TULP4: variants seen among roughly 807,000 people sequenced by gnomAD.
The protein encoded by TULP4 is TUB like protein 4.
TULP4 carries 16 observed loss-of-function variants against 129.0 expected under a neutral mutation model. That is an observed-to-expected ratio of 0.12 (90% CI 0.08 to 0.19). The LOEUF (loss-of-function observed/expected upper bound fraction) is 0.19, where lower values mean the gene tolerates loss of function less well. TULP4 is among the 10% of genes least tolerant of loss of function. TULP4 has a pLI of 1.00. For missense variants in TULP4, 1,842 were observed against 2,059.1 expected, an observed-to-expected ratio of 0.89 and a Z score of 2.04; for synonymous variants, 998 against 854.0, an observed-to-expected ratio of 1.17 and a Z score of -2.94.
At chr6:158,427,193 T>A (rs934959007) in intron 2 of TULP4, among the ~76,000 whole-genome samples, 8 of 152,210 alleles carry the variant, frequency 5.3e-5, no homozygotes, top group African/African-American at 1.9e-4. Flanking sequence ...ACACTCAACA[T>A]CTTTATACTG....
rs147713203 is a variant in TULP4 at position 158,376,246 on chromosome 6, G to A, written c.253-36819G>A. 3.3e-5 allele frequency among the ~76,000 whole-genome samples: 5 copies of A among 152,308 alleles called. No homozygotes were observed. The East Asian group carries it at 9.6e-4, about 29-fold the overall frequency. ...TGGGTTCTGGATCAGGAACTTGGGAGCATCCTACTGGGCACTTCTGGCTTA... is the reference window on the plus strand; with the variant it reads ...TGGGTTCTGGATCAGGAACTTGGGAACATCCTACTGGGCACTTCTGGCTTA... On this transcript the variant is annotated intron_variant, in intron 1 of 13. Coordinates refer to ENST00000367097, the MANE Select transcript of TULP4 (RefSeq NM_020245.5).
rs1339293129 is a variant in TULP4 at position 158,461,647 on chromosome 6, A to G, written c.944A>G (p.Asn315Ser). Reference protein sequence around the residue: ...ERQTQLGELPNGPLLKSAMVK... With the variant: ...ERQTQLGELPSGPLLKSAMVK... ...CAGACCCAGCTTGGTGAGCTTCCCA[A>G]TGGTCCCCTTCTGAAGAGTGCCATG... Residue 315 changes from asparagine to serine, a missense_variant, in exon 6 of 14, where the codon AAT (asparagine) becomes AGT (serine). This residue lies in a region of TULP4 where 456 missense variants were observed against 534.3 expected (regional missense o/e 0.85). Transcript: ENST00000367097. 12 of 1,613,956 alleles carry G rather than the reference A, an allele frequency of 7.4e-6. No individual in the cohort carries two copies. Among genetic ancestry groups the G allele is most frequent in the African/African-American group, 5.3e-5 (4 of 74,902 alleles).
chr6:158,262,375 C>A (rs549899735), intron 1 of TULP4, among the ~76,000 whole-genome samples: 1 of 152,118 alleles, frequency 6.6e-6, no homozygotes, highest in Non-Finnish European at 1.5e-5. Context: ...TGGTAACACG[C>A]CTACGGTGCT....
chr6:158,277,481 G>C (rs1562503270), upstream of TULP4, among the ~76,000 whole-genome samples: 1 of 152,164 alleles, frequency 6.6e-6, no homozygotes, highest in African/African-American at 2.4e-5. Flanking sequence ...TCAGAATTCT[G>C]AACAACCTGT....
At chr6:158,485,193 G>C (rs1437374642) in intron 8 of TULP4, among the ~76,000 whole-genome samples, 1 of 152,196 alleles carries the variant, frequency 6.6e-6, no homozygotes, top group African/African-American at 2.4e-5. Flanking sequence ...TAACTGAAGA[G>C]ATTTGTAAGC....
intron 2 of TULP4, among the ~76,000 whole-genome samples, chr6:158,422,681 C>T (rs1169851084): frequency 6.6e-6 from 1 of 152,120 alleles, no homozygotes; most frequent in Non-Finnish European, 1.5e-5. Context: ...TCCCCAAGTG[C>T]GGTGGATACC....
At chr6:158,315,848 G>C (rs1779479378) in intron 1 of TULP4, among the ~76,000 whole-genome samples, 1 of 152,204 alleles carries the variant, frequency 6.6e-6, no homozygotes, top group African/African-American at 2.4e-5. Context: ...TCTTACAAGG[G>C]TAGGAATCCC....
chr6:158,292,798 G>T (rs1463583452), intron 1 of TULP4, among the ~76,000 whole-genome samples: 1 of 152,154 alleles, frequency 6.6e-6, no homozygotes, highest in Non-Finnish European at 1.5e-5. Flanking sequence ...TAAACTTCCA[G>T]AAGTGGAATT....
upstream of TULP4, among the ~76,000 whole-genome samples, chr6:158,278,971 A>G (rs55962519): frequency 0.17 from 22,582 of 134,130 alleles, 2,169 homozygotes; most frequent in Middle Eastern, 0.26. Context: ...ACGGAGTCTC[A>G]TTCTGTCCCC....
At chr6:158,239,606 C>T (rs1363114572) in intron 1 of TULP4, among the ~76,000 whole-genome samples, 3 of 66,254 alleles carry the variant, frequency 4.5e-5, no homozygotes, top group Non-Finnish European at 1.0e-4. Flanking sequence ...CCCCCACCTC[C>T]CTCCCGGACG....
At chr6:158,303,173 C>T (rs1022470282) in intron 1 of TULP4, among the ~76,000 whole-genome samples, 2 of 151,310 alleles carry the variant, frequency 1.3e-5, no homozygotes, top group Non-Finnish European at 2.9e-5. Flanking sequence ...TGTCTTATCT[C>T]CTTTGTTTAA....
intron 1 of TULP4, among the ~76,000 whole-genome samples, chr6:158,297,879 T>C (rs1779060627): frequency 6.6e-6 from 1 of 152,126 alleles, no homozygotes; most frequent in Non-Finnish European, 1.5e-5. Context: ...GCGGAGTTTT[T>C]TCCCACTCTA....
chr6:158,278,743 C>G (rs999567400), upstream of TULP4, among the ~76,000 whole-genome samples: 4 of 151,958 alleles, frequency 2.6e-5, no homozygotes, highest in African/African-American at 9.7e-5. Flanking sequence ...TGATATTTTT[C>G]CCCTTTAAGC....
At chr6:158,495,814 T>C (rs1466122534) in intron 11 of TULP4, among the ~76,000 whole-genome samples, 1 of 150,736 alleles carries the variant, frequency 6.6e-6, no homozygotes, top group East Asian at 2.0e-4. Flanking sequence ...CACTCCAGCC[T>C]GGGCAACACG....
intron 1 of TULP4, among the ~76,000 whole-genome samples, chr6:158,380,910 A>AAAAAG (rs779845034): frequency 1.5e-5 from 2 of 135,044 alleles, no homozygotes; most frequent in Non-Finnish European, 1.6e-5. Context: ...AAAAAAAAAA[A>AAAAAG]AAGAAGAAGA....
At chr6:158,424,788 C>G (rs1273338850) in intron 2 of TULP4, among the ~76,000 whole-genome samples, 2 of 151,814 alleles carry the variant, frequency 1.3e-5, no homozygotes, top group Non-Finnish European at 2.9e-5. Flanking sequence ...CAGATATACC[C>G]CAAAAGATGT....
intron 9 of TULP4, among the ~76,000 whole-genome samples, chr6:158,491,653 G>A (rs1302869041): frequency 6.7e-6 from 1 of 149,274 alleles, no homozygotes; most frequent in Non-Finnish European, 1.5e-5. Context: ...CCACATGACC[G>A]GCTAATTTTT....
At chr6:158,505,657 T>C (rs17504678) in intron 13 of TULP4, among the ~76,000 whole-genome samples, 89,561 of 152,104 alleles carry the variant, frequency 0.59, 26,943 homozygotes, top group African/African-American at 0.7. Flanking sequence ...GGGCATGGCG[T>C]CACTGTCTGA....
intron 1 of TULP4, among the ~76,000 whole-genome samples, chr6:158,350,496 A>C (rs890628160): frequency 2.6e-5 from 4 of 152,198 alleles, no homozygotes; most frequent in African/African-American, 9.7e-5. Flanking sequence ...AGGCCGAGGC[A>C]GGCAGATCAC....
Sources: allele counts gnomAD v4.1 joint callset (sites outside exome capture counted in the v4.1 genomes callset), GRCh38; gene constraint gnomAD v4.1.1; regional missense constraint gnomAD v4.1.1; transcripts MANE v1.5; gene names NCBI Gene and HGNC (gene_info 2026-07-23, HGNC 2026-07-21).